Variants in FAM9A observed in about 807,000 individuals in gnomAD.
FAM9A encodes the protein family with sequence similarity 9 member A.
A neutral mutation model predicts 25.0 loss-of-function variants in FAM9A; 49 were observed. That is an observed-to-expected ratio of 1.96 (90% CI 1.56 to 2.48). The LOEUF (loss-of-function observed/expected upper bound fraction) is 2.48. Ranked by LOEUF, FAM9A falls within the 30% of genes most tolerant of loss-of-function variation. The pLI is 0.00. For synonymous variants in FAM9A, 80 were observed against 85.1 expected (o/e 0.94, Z 0.33); for missense variants, 266 against 249.3 (o/e 1.07, Z -0.45).
chrX:8,791,227 T>C (rs1314689462), intron 9 of FAM9A, 53 bp downstream of exon 9: 34 of 869,181 alleles, frequency 3.9e-5, no homozygotes, highest in Non-Finnish European at 5.1e-5. Flanking sequence ...AAATAAAATA[T>C]TCCAGTGCTT....
intron 3 of FAM9A, 75 bp from the exon 4 acceptor site, chrX:8,798,554 T>A: frequency 8.6e-7 from 1 of 1,168,223 alleles, no homozygotes; most frequent in Non-Finnish European, 1.1e-6. Context: ...GAGAAACTTA[T>A]TATTTGTGGA....
At chrX:8,794,374 A>C (rs973482762) in intron 7 of FAM9A, among the ~76,000 whole-genome samples, 5 of 112,051 alleles carry the variant, frequency 4.5e-5, no homozygotes, top group Non-Finnish European at 9.4e-5. Flanking sequence ...CCCATTACAC[A>C]GGAACCTTTC....
At chrX:8,797,879 C>T (rs1933551197) in intron 5 of FAM9A, among the ~76,000 whole-genome samples, 1 of 111,725 alleles carries the variant, frequency 9.0e-6, no homozygotes, top group Non-Finnish European at 1.9e-5. Flanking sequence ...TCTAATATCC[C>T]CCAAATAATT....
chrX:8,797,148 G>C (rs746750411), intron 5 of FAM9A, among the ~76,000 whole-genome samples: 1 of 111,929 alleles, frequency 8.9e-6, no homozygotes, highest in African/African-American at 3.2e-5. Context: ...CATCTATAAT[G>C]CTCAGTTAGG....
At chrX:8,796,836 A>AT (rs1483963799) in intron 5 of FAM9A, among the ~76,000 whole-genome samples, 1 of 112,333 alleles carries the variant, frequency 8.9e-6, no homozygotes, top group Non-Finnish European at 1.9e-5. Context: ...TAAGAAGAGC[A>AT]TTTTTTAAGC....
At position 8,795,206 on chromosome X, in the gene FAM9A, C is replaced by T. The variant is rs764137632; in HGVS notation, c.703G>A (p.Glu235Lys). The change falls in exon 7 of 10, where the codon GAG becomes AAG. Residue 235 changes from glutamate to lysine, a missense_variant. Glu to Lys is a moderately conservative substitution (Grantham distance 56, BLOSUM62 1). Coordinates refer to ENST00000381003, the MANE Select transcript of FAM9A (RefSeq NM_174951.3). ...TCTTCTTCTCCTTCTTCTTCCTCCTCTTCTTTCTCCTCCTCCTCCTCCTTC... is the reference window on the plus strand; with the variant it reads ...TCTTCTTCTCCTTCTTCTTCCTCCTTTTCTTTCTCCTCCTCCTCCTCCTTC... Reference protein sequence around the residue: ...EEKEEEEEKEEEEEEGEEEGG... With the variant: ...EEKEEEEEKEKEEEEGEEEGG... 1 of 1,066,137 alleles carries T rather than the reference C, an allele frequency of 9.4e-7. No individual in the cohort carries two copies. The highest frequency in any genetic ancestry group is 1.9e-5 in the African/African-American group (1 of 53,532). 87.9% of individuals were successfully genotyped at this position (1,066,137 alleles called of 1,213,427 possible).
chrX:8,798,640 C>T (rs982138286), intron 3 of FAM9A, among the ~76,000 whole-genome samples, 161 bp from the exon 4 acceptor site: 1 of 112,416 alleles, frequency 8.9e-6, no homozygotes, highest in Non-Finnish European at 1.9e-5. Context: ...ACCGTTTTAC[C>T]GAGGCATTTT....
rs1266433742 is a variant in FAM9A, at chrX:8,798,380, G to A, written c.320C>T (p.Ala107Val). The A allele has an allele frequency of 5.0e-6, 6 of 1,209,951 alleles. No homozygotes were observed. The highest frequency in any genetic ancestry group is 6.7e-6 in the Non-Finnish European group (6 of 895,338). Residue 107 changes from alanine to valine, a missense_variant, in exon 4 of 10, where the codon GCT (alanine) becomes GTT (valine). Physicochemically the swap from Ala to Val is moderately conservative, Grantham distance 64 (BLOSUM62 0). Transcript: ENST00000381003. Reference protein sequence around the residue: ...TDEHGEREPFAEKDEHTGIHT... With the variant: ...TDEHGEREPFVEKDEHTGIHT... ...TTACCCCGTGTGTTCATCTTTTTCAGCAAAAGGTTCTCTTTCCCCATGCTC... is the reference window on the plus strand; with the variant it reads ...TTACCCCGTGTGTTCATCTTTTTCAACAAAAGGTTCTCTTTCCCCATGCTC...
chrX:8,801,261 C>T (rs1458657054), intron 1 of FAM9A, 50 bp downstream of exon 1: 1 of 108,824 alleles, frequency 9.2e-6, no homozygotes, highest in Non-Finnish European at 1.9e-5. Flanking sequence ...ACCCTGGTTG[C>T]GAGAGGGCCG....
chrX:8,797,709 A>C (rs375094082), intron 5 of FAM9A, among the ~76,000 whole-genome samples: 5 of 111,110 alleles, frequency 4.5e-5, no homozygotes, highest in Non-Finnish European at 9.4e-5. Flanking sequence ...CCTGGGTGAT[A>C]AATAATCTGT....
intron 8 of FAM9A, among the ~76,000 whole-genome samples, chrX:8,791,658 C>G (rs188438016): frequency 9.0e-6 from 1 of 111,449 alleles, no homozygotes; most frequent in African/African-American, 3.3e-5. Context: ...CAAGATGGAG[C>G]AAAGACAGAA....
intron 2 of FAM9A, among the ~76,000 whole-genome samples, 157 bp downstream of exon 2, chrX:8,799,924 C>T (rs1933584610): frequency 1.1e-5 from 1 of 93,828 alleles, no homozygotes; most frequent in South Asian, 5.8e-4. Context: ...TGACCCAGGC[C>T]CCAGGCAACG....
rs1478048530 is a variant in FAM9A, at chrX:8,791,359, G to A, written c.951C>T (p.Asp317=). 5.8e-6 allele frequency: 7 copies of A among 1,202,524 alleles called. No individual in the cohort carries two copies. The highest frequency in any genetic ancestry group is 2.2e-5 in the Admixed American group (1 of 44,578). ...QLLKAAKDTK[D]NYCIISSSEE... ...CACTGGAAGAAATGATGCAATAATT[G>A]TCTTTAGTGTCCTTGGCAGCCTAAA... is the stretch of plus-strand genomic sequence containing the variant. Residue 317 remains aspartate (D), a synonymous_variant, in exon 9 of 10, where the codon GAC becomes GAT. Coordinates refer to ENST00000381003, the MANE Select transcript of FAM9A (RefSeq NM_174951.3).
chrX:8,797,545 G>T (rs1933547531), intron 5 of FAM9A, among the ~76,000 whole-genome samples: 1 of 111,354 alleles, frequency 9.0e-6, no homozygotes, highest in African/African-American at 3.3e-5. Flanking sequence ...TGTGACAATA[G>T]AATAGCTAAA....
At chrX:8,798,568 T>C in intron 3 of FAM9A, 89 bp from the exon 4 acceptor site, 1 of 1,157,523 alleles carries the variant, frequency 8.6e-7, no homozygotes, top group Admixed American at 2.6e-5. Context: ...TTGTGGACTT[T>C]TTTGGCTCTC....
At chrX:8,798,262 A>C in intron 4 of FAM9A, 81 bp from the exon 5 acceptor site, 1 of 1,201,583 alleles carries the variant, frequency 8.3e-7, no homozygotes, top group Non-Finnish European at 1.1e-6. Flanking sequence ...TCTTATGTGA[A>C]ATGTTCCGCA....
At chrX:8,798,851 A>G (rs1273250307) in intron 3 of FAM9A, 115 bp downstream of exon 3, 1 of 1,124,928 alleles carries the variant, frequency 8.9e-7, no homozygotes, top group Non-Finnish European at 1.2e-6. Flanking sequence ...AATGGACTCC[A>G]AAGCCACGAA....
At position 8,798,150 on chromosome X, in the gene FAM9A, C is replaced by A; in HGVS notation, c.373G>T (p.Ala125Ser). ...IHTMKLEHIA[A>S]DIKKGLAAKR... Reference sequence around the variant, plus strand: ...ACTACGAATAGCTCCTAAAACATACCTGCAATATGTTCTAGCTTCATGGTA... The same window carrying A: ...ACTACGAATAGCTCCTAAAACATACATGCAATATGTTCTAGCTTCATGGTA... The change falls in exon 5 of 10, where the codon GCT becomes TCT. Residue 125 changes from alanine to serine, a missense_variant and splice_region_variant. By Grantham distance (99) the Ala-to-Ser change is moderately conservative. Transcript: ENST00000381003. 8.3e-7 allele frequency: 1 copy of A among 1,202,578 alleles called. No individual in the cohort carries two copies.
Position 8,793,517 on chromosome X carries a change from C to T in FAM9A, c.930+141G>A, listed in dbSNP as rs57828652. Reference sequence around the variant, plus strand: ...TTTACCAGTTATGTTAAATTTGGAACAATACATTCAAAGTGAAAATGGTAA... The same window carrying T: ...TTTACCAGTTATGTTAAATTTGGAATAATACATTCAAAGTGAAAATGGTAA... On this transcript the variant is annotated intron_variant, in intron 8 of 9. Transcript: ENST00000381003. The T allele has an allele frequency of 2.6e-3, 1,219 of 460,354 alleles. 21 individuals carry two copies. The highest frequency in any genetic ancestry group is 0.025 in the African/African-American group (1,003 of 40,710). The allele number at this position is 460,354 out of a possible 1,213,427, so 37.9% of individuals were successfully genotyped here.
Sources: allele counts gnomAD v4.1 joint callset (sites outside exome capture counted in the v4.1 genomes callset), GRCh38; gene constraint gnomAD v4.1.1; transcripts MANE v1.5; gene names NCBI Gene and HGNC (gene_info 2026-07-23, HGNC 2026-07-21).